Variants in SNTG1 observed in about 807,000 individuals in gnomAD.
SNTG1 encodes the protein syntrophin gamma 1.
A neutral mutation model predicts 74.7 loss-of-function variants in SNTG1; 39 were observed. The ratio of observed to expected loss-of-function variants is 0.52; its 90% CI spans 0.40 to 0.68. The LOEUF (loss-of-function observed/expected upper bound fraction) is 0.68. Ranked by LOEUF, SNTG1 falls within the 30% of genes least tolerant of loss-of-function variation. SNTG1 has a pLI of 0.00. For missense variants in SNTG1, 685 were observed against 609.5 expected (o/e 1.12, Z -1.30); for synonymous variants, 254 against 217.1 (o/e 1.17, Z -1.49).
In SNTG1 at chr8:50,793,572, T is replaced by C. The variant is rs544594156; in HGVS notation, c.*743T>C. 5 of 151,988 alleles carry C rather than the reference T, an allele frequency of 3.3e-5. No homozygotes were observed. Among genetic ancestry groups the C allele is most frequent in the African/African-American group, 9.6e-5 (4 of 41,516 alleles). 9.4% of individuals were successfully genotyped at this position (151,988 alleles called of 1,614,324 possible). On this transcript the variant is annotated 3_prime_UTR_variant, in exon 19 of 19. Coordinates refer to ENST00000642720, the MANE Select transcript of SNTG1 (RefSeq NM_018967.5). Reference sequence around the variant, plus strand: ...AACAGTGTATTAATTTAATTATGAGTGATGGAAAATTTCATGAACCTCTCA... The same window carrying C: ...AACAGTGTATTAATTTAATTATGAGCGATGGAAAATTTCATGAACCTCTCA...
intron 1 of SNTG1, among the ~76,000 whole-genome samples, chr8:49,998,853 T>G (rs540983111): frequency 1.2e-3 from 188 of 152,290 alleles, no homozygotes; most frequent in African/African-American, 4.4e-3. Flanking sequence ...TGATAAAAAT[T>G]GTAGTATAGT....
chr8:50,509,344 T>C (rs1390528825), intron 9 of SNTG1, among the ~76,000 whole-genome samples: 1 of 152,198 alleles, frequency 6.6e-6, no homozygotes, highest in East Asian at 1.9e-4. Flanking sequence ...TGAAGTCAGG[T>C]AGCGTGATGC....
chr8:50,306,287 A>C (rs556894642), intron 2 of SNTG1, among the ~76,000 whole-genome samples: 1 of 152,006 alleles, frequency 6.6e-6, no homozygotes, highest in South Asian at 2.1e-4. Flanking sequence ...TTCTTTATTC[A>C]TTCATTGATT....
At chr8:50,323,712 C>T (rs576788632) in intron 2 of SNTG1, among the ~76,000 whole-genome samples, 18 of 152,234 alleles carry the variant, frequency 1.2e-4, no homozygotes, top group African/African-American at 4.1e-4. Context: ...CTGTGGCCAC[C>T]ACCACTGGGA....
intron 1 of SNTG1, among the ~76,000 whole-genome samples, chr8:50,171,581 C>T (rs761276101): frequency 5.9e-5 from 9 of 152,136 alleles, no homozygotes; most frequent in Non-Finnish European, 1.0e-4. Context: ...CACAGACACA[C>T]CCAGGTTCAA....
intron 18 of SNTG1, among the ~76,000 whole-genome samples, chr8:50,765,917 G>C (rs2095612409): frequency 6.6e-6 from 1 of 151,970 alleles, no homozygotes. Flanking sequence ...TCAAATAAGA[G>C]TAGATTTTAT....
At chr8:50,411,684 C>A (rs1160369796) in intron 4 of SNTG1, among the ~76,000 whole-genome samples, 1 of 152,090 alleles carries the variant, frequency 6.6e-6, no homozygotes, top group Non-Finnish European at 1.5e-5. Context: ...AACCCCTTCT[C>A]TCTATTTCTT....
At chr8:50,792,214 C>G (rs185600184) in intron 18 of SNTG1, among the ~76,000 whole-genome samples, 5 of 151,762 alleles carry the variant, frequency 3.3e-5, no homozygotes, top group Non-Finnish European at 7.4e-5. Context: ...CCCCTTACTT[C>G]TAGCATTTCT....
intron 9 of SNTG1, among the ~76,000 whole-genome samples, chr8:50,504,026 G>T (rs1450534530): frequency 6.6e-6 from 1 of 152,046 alleles, no homozygotes; most frequent in African/African-American, 2.4e-5. Flanking sequence ...AGTGTGTGTG[G>T]TTCTCCTCTA....
At chr8:50,535,462 G>C (rs2094300972) in intron 10 of SNTG1, among the ~76,000 whole-genome samples, 1 of 152,092 alleles carries the variant, frequency 6.6e-6, no homozygotes, top group Admixed American at 6.5e-5. Flanking sequence ...ATGAAACCTA[G>C]GTTTGTGCCT....
intron 1 of SNTG1, among the ~76,000 whole-genome samples, chr8:50,038,630 T>A (rs528087597): frequency 4.5e-4 from 69 of 152,278 alleles, no homozygotes; most frequent in Non-Finnish European, 5.4e-4. Flanking sequence ...AGAAAAAAAA[T>A]TCATCACTCT....
chr8:49,966,543 C>A (rs1431574897), intron 1 of SNTG1, among the ~76,000 whole-genome samples: 1 of 151,818 alleles, frequency 6.6e-6, no homozygotes, highest in African/African-American at 2.4e-5. Flanking sequence ...TACAGGCACC[C>A]GCTACCACAT....
chr8:50,200,304 A>G (rs148198037), intron 2 of SNTG1, among the ~76,000 whole-genome samples: 3 of 152,194 alleles, frequency 2.0e-5, no homozygotes, highest in African/African-American at 7.2e-5. Flanking sequence ...TATCTCAGGC[A>G]GTTTAGCTCT....
chr8:49,925,768 T>C (rs1184739028), intron 1 of SNTG1, among the ~76,000 whole-genome samples: 8 of 152,230 alleles, frequency 5.3e-5, no homozygotes, highest in Non-Finnish European at 1.5e-5. Context: ...AGTTTATTCA[T>C]TTTAATTGCT....
chr8:50,588,765 C>T (rs571419657), intron 12 of SNTG1, among the ~76,000 whole-genome samples: 7 of 152,006 alleles, frequency 4.6e-5, no homozygotes, highest in Non-Finnish European at 5.9e-5. Flanking sequence ...GACTAAGAGG[C>T]GCACAATTTA....
intron 3 of SNTG1, among the ~76,000 whole-genome samples, chr8:50,396,809 G>T (rs2092733883): frequency 6.6e-6 from 1 of 152,128 alleles, no homozygotes; most frequent in African/African-American, 2.4e-5. Flanking sequence ...GTAGAAAATG[G>T]ATGATATTCT....
intron 16 of SNTG1, among the ~76,000 whole-genome samples, chr8:50,707,165 G>T (rs2095446059): frequency 6.6e-6 from 1 of 151,844 alleles, no homozygotes; most frequent in Non-Finnish European, 1.5e-5. Flanking sequence ...TGATTATTGA[G>T]AAAATCTAAT....
chr8:50,402,189 G>A, intron 3 of SNTG1, 21 bp from the exon 4 acceptor site: 1 of 1,185,196 alleles, frequency 8.4e-7, no homozygotes, highest in Non-Finnish European at 1.2e-6. Context: ...TCCTCTGTTT[G>A]TTTTTTTTTT....
intron 1 of SNTG1, among the ~76,000 whole-genome samples, chr8:50,096,404 A>G (rs771967340): frequency 1.1e-4 from 16 of 152,202 alleles, no homozygotes; most frequent in Non-Finnish European, 1.8e-4. Context: ...ATTGGATAGA[A>G]GTGGCGAGTA....
Sources: allele counts gnomAD v4.1 joint callset (sites outside exome capture counted in the v4.1 genomes callset), GRCh38; gene constraint gnomAD v4.1.1; transcripts MANE v1.5; gene names NCBI Gene and HGNC (gene_info 2026-07-23, HGNC 2026-07-21).